DCHS2: variants seen among roughly 807,000 people sequenced by gnomAD.
DCHS2 encodes the protein protocadherin-23.
Under a neutral mutation model 182.4 loss-of-function variants are expected in DCHS2, and 142 were observed. The ratio of observed to expected loss-of-function variants is 0.78; its 90% CI spans 0.68 to 0.89. The LOEUF is 0.89. Among genes scored for constraint, DCHS2 ranks in the 40% least tolerant of loss-of-function variants. The pLI, the probability that DCHS2 is intolerant of heterozygous loss-of-function variation, is 0.00. For missense variants in DCHS2, 4,319 were observed against 4,198.6 expected, an observed-to-expected ratio of 1.03 and a Z score of -0.79; for synonymous variants, 1,740 against 1,663.3, an observed-to-expected ratio of 1.05 and a Z score of -1.12.
chr4:154,279,403 T>C (rs1431241790), intron 13 of DCHS2, among the ~76,000 whole-genome samples: 1 of 152,038 alleles, frequency 6.6e-6, no homozygotes, highest in Non-Finnish European at 1.5e-5. Flanking sequence ...GAAAATGAAA[T>C]GATAAAAATA....
At chr4:154,429,040 T>C (rs1733454614) in intron 1 of DCHS2, among the ~76,000 whole-genome samples, 1 of 152,134 alleles carries the variant, frequency 6.6e-6, no homozygotes, top group African/African-American at 2.4e-5. Flanking sequence ...TGATAATGGT[T>C]ATAAACACAC....
chr4:154,259,482 T>G (rs1040802309), intron 15 of DCHS2, 63 bp downstream of exon 15: 1 of 1,570,694 alleles, frequency 6.4e-7, no homozygotes, highest in African/African-American at 1.4e-5. Context: ...TCTCTCTCTC[T>G]CTCTCACACA....
rs1212774953 is a variant in DCHS2, at chr4:154,304,825, A to G, written c.5449T>C (p.Cys1817Arg). ...PSLSSTTTIL[C>R]TVEDENDHAP... The stretch of plus-strand genomic sequence containing the variant: ...TGATCGTTTTCATCTTCAACAGTGC[A>G]GAGGATTGTTGTGGTGCTGGACAAT... The change falls in exon 12 of 20, where the codon TGC (cysteine) becomes CGC (arginine). Residue 1817 changes from cysteine (C) to arginine (R), a missense_variant. Coordinates refer to ENST00000357232, the MANE Select transcript of DCHS2 (RefSeq NM_001358235.2). The G allele has an allele frequency of 6.2e-7, 1 of 1,613,846 alleles. No homozygotes were observed. Among genetic ancestry groups the G allele is most frequent in the Non-Finnish European group, 8.5e-7 (1 of 1,179,902 alleles).
At chr4:154,262,571 T>TA (rs1327380661) in intron 14 of DCHS2, among the ~76,000 whole-genome samples, 1 of 152,198 alleles carries the variant, frequency 6.6e-6, no homozygotes, top group Middle Eastern at 3.2e-3. Context: ...CATTTTCTTC[T>TA]AAAAAATACA....
intron 1 of DCHS2, among the ~76,000 whole-genome samples, chr4:154,466,050 ATAAT>A (rs1196002290): frequency 6.6e-6 from 1 of 152,092 alleles, no homozygotes; most frequent in Non-Finnish European, 1.5e-5. Flanking sequence ...CCGCCCAAAA[ATAAT>A]TAATTAATTT....
chr4:154,368,004 G>T (rs1730468000), intron 2 of DCHS2, among the ~76,000 whole-genome samples: 1 of 152,158 alleles, frequency 6.6e-6, no homozygotes, highest in African/African-American at 2.4e-5. Context: ...GAAATAGTCT[G>T]ATTTTCCATG....
intron 13 of DCHS2, among the ~76,000 whole-genome samples, chr4:154,287,759 G>T (rs1309207840): frequency 6.6e-6 from 1 of 152,110 alleles, no homozygotes; most frequent in African/African-American, 2.4e-5. Context: ...TGGGATTATA[G>T]ATGTGAGCCA....
At chr4:154,376,462 A>G (rs1286881194) in intron 2 of DCHS2, among the ~76,000 whole-genome samples, 2 of 151,584 alleles carry the variant, frequency 1.3e-5, no homozygotes, top group Non-Finnish European at 2.9e-5. Flanking sequence ...ATTAAAAAAA[A>G]CTGGTAAAAT....
chr4:154,246,373 A>G (rs1298591324), intron 16 of DCHS2, among the ~76,000 whole-genome samples: 1 of 152,160 alleles, frequency 6.6e-6, no homozygotes, highest in African/African-American at 2.4e-5. Context: ...AGTGAACTCC[A>G]TATACTGCCA....
At chr4:154,269,761 T>C in intron 14 of DCHS2, 139 bp downstream of exon 14, 4 of 910,452 alleles carry the variant, frequency 4.4e-6, no homozygotes, top group Non-Finnish European at 4.8e-6. Flanking sequence ...CCCATAATTT[T>C]TCATAGGCTA....
At chr4:154,291,039 C>A (rs1734635174) in intron 13 of DCHS2, among the ~76,000 whole-genome samples, 1 of 152,100 alleles carries the variant, frequency 6.6e-6, no homozygotes, top group East Asian at 1.9e-4. Flanking sequence ...AACTATCTAT[C>A]TGACAAGGGA....
chr4:154,432,066 C>A (rs1438368193), intron 1 of DCHS2, among the ~76,000 whole-genome samples: 1 of 152,192 alleles, frequency 6.6e-6, no homozygotes, highest in Non-Finnish European at 1.5e-5. Flanking sequence ...AATACAACCA[C>A]CCTTACTATC....
At position 154,313,156 on chromosome 4, in the gene DCHS2, T is replaced by C. The variant is rs149802252; in HGVS notation, c.5260+2592A>G. Among the ~76,000 whole-genome samples the C allele has an allele frequency of 4.2e-3, 644 of 152,318 alleles. 3 individuals are homozygous for C. Among genetic ancestry groups the C allele is most frequent in the Non-Finnish European group, 6.7e-3 (453 of 68,018 alleles). On this transcript the variant is annotated intron_variant, in intron 10 of 19. Coordinates refer to ENST00000357232, the MANE Select transcript of DCHS2 (RefSeq NM_001358235.2). ...TACGTTTGACACCTTTGAGCGAATG[T>C]GAGTGGTATTCCCAGTGGGGCACCC... is the stretch of plus-strand genomic sequence containing the variant.
intron 2 of DCHS2, among the ~76,000 whole-genome samples, chr4:154,370,955 C>T (rs1232556513): frequency 1.3e-5 from 2 of 152,090 alleles, no homozygotes; most frequent in Non-Finnish European, 2.9e-5. Context: ...GGACGTGCTA[C>T]AGTAAATTAG....
At chr4:154,468,590 T>A (rs1735331038) in intron 1 of DCHS2, among the ~76,000 whole-genome samples, 1 of 152,200 alleles carries the variant, frequency 6.6e-6, no homozygotes, top group Non-Finnish European at 1.5e-5. Flanking sequence ...TATGTTATAC[T>A]AGCATCCAGC....
chr4:154,303,224 C>A (rs888445622), intron 12 of DCHS2, among the ~76,000 whole-genome samples: 1 of 151,938 alleles, frequency 6.6e-6, no homozygotes, highest in Non-Finnish European at 1.5e-5. Context: ...TCAGGTGATC[C>A]GCCCACGTTG....
chr4:154,338,077 C>A (rs1728898755), intron 3 of DCHS2, among the ~76,000 whole-genome samples: 1 of 152,142 alleles, frequency 6.6e-6, no homozygotes, highest in African/African-American at 2.4e-5. Context: ...TCATCTGGTG[C>A]AGCTGGCCTT....
intron 3 of DCHS2, chr4:154,343,750 G>A (rs1270706142): frequency 9.2e-7 from 1 of 1,084,940 alleles, no homozygotes; most frequent in Non-Finnish European, 1.2e-6. Context: ...TTCTGACTCA[G>A]CAATGAGTCT....
intron 3 of DCHS2, among the ~76,000 whole-genome samples, chr4:154,365,427 G>A (rs1730302270): frequency 6.6e-6 from 1 of 151,932 alleles, no homozygotes; most frequent in African/African-American, 2.4e-5. Flanking sequence ...ACTGTCTTTA[G>A]TTCTCTCACA....
Sources: allele counts gnomAD v4.1 joint callset (sites outside exome capture counted in the v4.1 genomes callset), GRCh38; gene constraint gnomAD v4.1.1; transcripts MANE v1.5; gene names NCBI Gene and HGNC (gene_info 2026-07-23, HGNC 2026-07-21).